SPMIP8: variants seen among roughly 807,000 people sequenced by gnomAD.
The protein encoded by SPMIP8 is sperm microtubule inner protein 8.
the SPMIP8 span, among the ~76,000 whole-genome samples, chr16:57,980,269 G>T: frequency 1.3e-5 from 2 of 152,132 alleles, no homozygotes. Context: ...TTTATAGGAG[G>T]AGCTATGAAT....
chr16:57,984,773 G>A, the SPMIP8 span: 3 of 1,608,758 alleles, frequency 1.9e-6, no homozygotes, highest in Non-Finnish European at 1.7e-6. Flanking sequence ...TCGTGTCCTC[G>A]GCCGGGGAGT....
chr16:57,986,008 C>T, the SPMIP8 span: 2 of 1,530,560 alleles, frequency 1.3e-6, no homozygotes, highest in Non-Finnish European at 8.8e-7. Context: ...GGGACAGCCT[C>T]GGGGCTCCCT....
At chr16:57,984,232 C>A in the SPMIP8 span, 1 of 1,532,552 alleles carries the variant, frequency 6.5e-7, no homozygotes, top group Non-Finnish European at 9.0e-7. Flanking sequence ...ACAGTGTGGG[C>A]CAAAGTTCTC....
the SPMIP8 span, chr16:57,976,734 T>A: frequency 7.0e-7 from 1 of 1,429,320 alleles, no homozygotes; most frequent in Non-Finnish European, 9.6e-7. Context: ...AGCTTCCCCA[T>A]GCCTTGTCAC....
chr16:57,976,562 A>T, the SPMIP8 span: 2 of 1,614,222 alleles, frequency 1.2e-6, no homozygotes, highest in Non-Finnish European at 1.7e-6. Flanking sequence ...CCCATTGAGC[A>T]GTCAAAGAAC....
the SPMIP8 span, chr16:57,984,493 C>G: frequency 6.6e-7 from 1 of 1,510,544 alleles, no homozygotes; most frequent in South Asian, 1.2e-5. Flanking sequence ...CACATCACCC[C>G]ATCCGGGTTC....
chr16:57,981,501 C>CTTT, the SPMIP8 span, among the ~76,000 whole-genome samples: 6 of 68,982 alleles, frequency 8.7e-5, no homozygotes, highest in Admixed American at 2.0e-4. Context: ...CTCTCTTTCT[C>CTTT]TTTTTTTTTT....
the SPMIP8 span, among the ~76,000 whole-genome samples, chr16:57,977,151 T>G: frequency 4.2e-4 from 64 of 152,298 alleles, no homozygotes; most frequent in East Asian, 0.011. Context: ...GGCTCACACC[T>G]GTAATCCCAG....
chr16:57,983,770 C>G, the SPMIP8 span, among the ~76,000 whole-genome samples: 1 of 152,258 alleles, frequency 6.6e-6, no homozygotes, highest in Non-Finnish European at 1.5e-5. Context: ...TGCCACCACA[C>G]TCAACTAATT....
the SPMIP8 span, among the ~76,000 whole-genome samples, chr16:57,980,951 G>A: frequency 2.0e-5 from 3 of 152,162 alleles, no homozygotes; most frequent in East Asian, 5.8e-4. Flanking sequence ...CTGGGCTCAA[G>A]TGATCCTCCA....
the SPMIP8 span, among the ~76,000 whole-genome samples, chr16:57,982,536 G>A: frequency 2.0e-5 from 3 of 151,854 alleles, no homozygotes; most frequent in East Asian, 1.9e-4. Flanking sequence ...TAGGTGTAGA[G>A]ATCTGAATCA....
At chr16:57,982,935 C>G in the SPMIP8 span, among the ~76,000 whole-genome samples, 2 of 152,188 alleles carry the variant, frequency 1.3e-5, no homozygotes, top group African/African-American at 4.8e-5. Flanking sequence ...GAGGCTGAGG[C>G]GTGAGAATCG....
At chr16:57,981,549 T>C in the SPMIP8 span, among the ~76,000 whole-genome samples, 1 of 117,820 alleles carries the variant, frequency 8.5e-6, no homozygotes, top group African/African-American at 3.6e-5. Flanking sequence ...TCTCACTCTG[T>C]CACCCAGGCT....
At chr16:57,984,342 C>T in the SPMIP8 span, 6 of 1,614,218 alleles carry the variant, frequency 3.7e-6, no homozygotes, top group South Asian at 6.6e-5. Context: ...CTTGGGGTCC[C>T]CAACAAACCC....
chr16:57,976,673 A>AT, the SPMIP8 span: 2 of 1,606,104 alleles, frequency 1.2e-6, no homozygotes, highest in Non-Finnish European at 1.7e-6. Flanking sequence ...TCTTCCCCAT[A>AT]TCCGTGATCC....
chr16:57,985,124 T>C, the SPMIP8 span: 86 of 1,313,680 alleles, frequency 6.5e-5, no homozygotes, highest in Non-Finnish European at 7.8e-5. Context: ...GGGGCTGGAT[T>C]GTGGGCGGGG....
the SPMIP8 span, among the ~76,000 whole-genome samples, chr16:57,980,255 A>G: frequency 4.6e-5 from 7 of 152,292 alleles, no homozygotes; most frequent in African/African-American, 1.7e-4. Flanking sequence ...TACATATTCA[A>G]TAGTTTATAG....
the SPMIP8 span, chr16:57,978,012 T>C: frequency 1.2e-6 from 2 of 1,614,052 alleles, no homozygotes; most frequent in Non-Finnish European, 1.7e-6. Flanking sequence ...TGATGAGCAC[T>C]GCCAGTCCAC....
At chr16:57,979,353 G>A in the SPMIP8 span, among the ~76,000 whole-genome samples, 6 of 152,132 alleles carry the variant, frequency 3.9e-5, no homozygotes, top group African/African-American at 9.7e-5. Flanking sequence ...TGGGGAGGCC[G>A]TGGGGAAGGA....
Sources: allele counts gnomAD v4.1 joint callset (sites outside exome capture counted in the v4.1 genomes callset), GRCh38; gene constraint gnomAD v4.1.1; transcripts MANE v1.5; gene names NCBI Gene and HGNC (gene_info 2026-07-23, HGNC 2026-07-21).